SIDT1: variants seen among roughly 807,000 people sequenced by gnomAD.
SIDT1 encodes SID1 transmembrane family member 1.
Under a neutral mutation model 107.5 loss-of-function variants are expected in SIDT1, and 101 were observed. The observed-to-expected ratio is 0.94, with a 90% confidence interval of 0.80 to 1.11. SIDT1 has a LOEUF of 1.11. Ranked by LOEUF, SIDT1 falls within the 50% of genes least tolerant of loss-of-function variation. The pLI, the probability that SIDT1 is intolerant of heterozygous loss-of-function variation, is 0.00. For synonymous variants in SIDT1, 395 were observed against 398.2 expected (o/e 0.99, Z 0.10); for missense variants, 1,076 against 1,058.2 (o/e 1.02, Z -0.23).
At chr3:113,540,966 C>T (rs193178283) in intron 1 of SIDT1, among the ~76,000 whole-genome samples, 1 of 152,166 alleles carries the variant, frequency 6.6e-6, no homozygotes, top group African/African-American at 2.4e-5. Context: ...CTAGTTAATA[C>T]CCTTAAAGAA....
chr3:113,556,915 G>A lies in SIDT1; in HGVS notation c.223-9505G>A, dbSNP rs969108311. 6.3e-5 allele frequency among the ~76,000 whole-genome samples: 9 copies of A among 142,358 alleles called. No individual in the cohort carries two copies. The Admixed American group carries it at 6.9e-4, about 11-fold the overall frequency. The allele number at this position is 142,358 out of a possible 152,430, so 93.4% of individuals were successfully genotyped here. On this transcript the variant is annotated intron_variant, in intron 1 of 24. Transcript: ENST00000264852. ...CCTCACCGCAATCTCCACCTCCTGG[G>A]TTCAAGCCATTCTCCTGTCTCAGCC...
chr3:113,580,656 G>T lies in SIDT1; in HGVS notation c.610G>T (p.Val204Leu). 1 of 1,613,576 alleles carries T rather than the reference G, an allele frequency of 6.2e-7. No homozygotes were observed. Among genetic ancestry groups the T allele is most frequent in the South Asian group, 1.1e-5 (1 of 91,072 alleles). The change falls in exon 5 of 25, where the codon GTG (valine) becomes TTG (leucine). Residue 204 changes from valine to leucine, a missense_variant. Physicochemically the swap from Val to Leu is conservative, Grantham distance 32 (BLOSUM62 1). Coordinates refer to ENST00000264852, the MANE Select transcript of SIDT1 (RefSeq NM_017699.3). Reference protein sequence around the residue: ...PKDVDSVIIKVVSEMAYPCSV... With the variant: ...PKDVDSVIIKLVSEMAYPCSV... ...AGACGTGGACTCAGTTATCATTAAA[G>T]TGGTGTCTGAAATGGCTTATCCATG...
chr3:113,535,633 A>C (rs1256620928), intron 1 of SIDT1, among the ~76,000 whole-genome samples: 5 of 152,328 alleles, frequency 3.3e-5, no homozygotes, highest in Non-Finnish European at 1.5e-5. Flanking sequence ...ATTTTTGTTA[A>C]AATATTACTA....
At chr3:113,585,835 A>C (rs529229043) in intron 9 of SIDT1, among the ~76,000 whole-genome samples, 3 of 152,196 alleles carry the variant, frequency 2.0e-5, no homozygotes, top group Non-Finnish European at 4.4e-5. Flanking sequence ...ATTTGACCAA[A>C]GAAATTTCCC....
chr3:113,622,618 G>A (rs911022328), intron 21 of SIDT1, among the ~76,000 whole-genome samples: 1 of 152,026 alleles, frequency 6.6e-6, no homozygotes, highest in African/African-American at 2.4e-5. Flanking sequence ...TAAAACCATG[G>A]ACAGCTAGCA....
At position 113,627,945 on chromosome 3, in the gene SIDT1, C is replaced by T. The variant is rs1170250482; in HGVS notation, c.*237C>T. The T allele has an allele frequency of 1.3e-5, 7 of 539,210 alleles. No individual in the cohort carries two copies. The highest frequency in any genetic ancestry group is 6.6e-5 in the South Asian group (3 of 45,254). 33.4% of individuals were successfully genotyped at this position (539,210 alleles called of 1,614,324 possible). A position where few individuals can be genotyped will look rare whatever the true frequency, so the allele number is the denominator to read the frequency against. On this transcript the variant is annotated 3_prime_UTR_variant, in exon 25 of 25. Coordinates refer to ENST00000264852, the MANE Select transcript of SIDT1 (RefSeq NM_017699.3). Reference sequence around the variant, plus strand: ...AACCTGAGGAGCTGAGAAACACTTGCTCCTTCCATCTGCAGCTTTGGGAGT... The same window carrying T: ...AACCTGAGGAGCTGAGAAACACTTGTTCCTTCCATCTGCAGCTTTGGGAGT...
intron 20 of SIDT1, among the ~76,000 whole-genome samples, chr3:113,618,577 C>T (rs1946257484): frequency 6.6e-6 from 1 of 152,202 alleles, no homozygotes; most frequent in Admixed American, 6.5e-5. Context: ...TCCTCGCCAG[C>T]ATTTGGTGTT....
intron 20 of SIDT1, 114 bp from the exon 21 acceptor site, chr3:113,619,566 A>C: frequency 2.2e-6 from 2 of 900,744 alleles, no homozygotes; most frequent in Non-Finnish European, 3.6e-6. Context: ...GAACCACAGA[A>C]AATTATTTTC....
chr3:113,572,957 T>C (rs1942586007), intron 3 of SIDT1, among the ~76,000 whole-genome samples: 1 of 152,012 alleles, frequency 6.6e-6, no homozygotes, highest in South Asian at 2.1e-4. Flanking sequence ...ATAATTACCT[T>C]TGGTATTTTG....
intron 1 of SIDT1, among the ~76,000 whole-genome samples, chr3:113,550,557 CT>C (rs1365871396): frequency 7.9e-5 from 12 of 152,146 alleles, no homozygotes; most frequent in Admixed American, 7.9e-4. Context: ...ATGAACTTAT[CT>C]TTGTCAATTC....
intron 1 of SIDT1, among the ~76,000 whole-genome samples, chr3:113,550,297 T>C (rs1464666318): frequency 6.6e-6 from 1 of 152,236 alleles, no homozygotes; most frequent in Non-Finnish European, 1.5e-5. Flanking sequence ...GTTTGAGGCT[T>C]TGCTAATGGC....
At chr3:113,584,909 G>A (rs773589366) in intron 8 of SIDT1, 140 bp downstream of exon 8, 4 of 687,988 alleles carry the variant, frequency 5.8e-6, no homozygotes, top group Admixed American at 3.2e-5. Context: ...AGAAAAGGGA[G>A]TCAGAGCATT....
rs145140756 is a variant in SIDT1, at chr3:113,588,109, C to A, written c.1001+2839C>A. Among the ~76,000 whole-genome samples, 540 of 152,284 alleles carry A rather than the reference C, an allele frequency of 3.5e-3. 2 individuals carry two copies. The highest frequency in any genetic ancestry group is 0.012 in the African/African-American group (503 of 41,562). On this transcript the variant is annotated intron_variant, in intron 9 of 24. Transcript: ENST00000264852. ...TTAACATACAAACAGACAAGTTAAG[C>A]TAATAGCTGGTTATCAATCGCTCTA...
At chr3:113,603,705 T>G (rs1945124420) in intron 12 of SIDT1, among the ~76,000 whole-genome samples, 2 of 152,186 alleles carry the variant, frequency 1.3e-5, no homozygotes. Context: ...CAGCCAATCC[T>G]TAATATTCCA....
intron 20 of SIDT1, among the ~76,000 whole-genome samples, chr3:113,617,850 A>G (rs1946210649): frequency 6.6e-6 from 1 of 152,156 alleles, no homozygotes; most frequent in African/African-American, 2.4e-5. Context: ...CCAACTCCCC[A>G]CATGCACAGC....
In SIDT1 at chr3:113,616,098, A is replaced by G; in HGVS notation, c.1967-2A>G. ...CTCACCATGCATTTGTATTATCAGCAGATTTGGGAATTTTCCGGCGGGCTG... is the reference window on the plus strand; with the variant it reads ...CTCACCATGCATTTGTATTATCAGCGGATTTGGGAATTTTCCGGCGGGCTG... On this transcript the variant is annotated splice_acceptor_variant, in intron 19 of 24. Coordinates refer to ENST00000264852, the MANE Select transcript of SIDT1 (RefSeq NM_017699.3). LOFTEE classifies it high-confidence loss of function. 3.1e-6 allele frequency: 5 copies of G among 1,611,692 alleles called. No individual in the cohort carries two copies. In the South Asian group the frequency reaches 5.5e-5, roughly 18 times the overall value.
intron 1 of SIDT1, among the ~76,000 whole-genome samples, chr3:113,555,451 A>G (rs1476257039): frequency 6.6e-6 from 1 of 152,226 alleles, no homozygotes; most frequent in African/African-American, 2.4e-5. Flanking sequence ...TTGATTGAAC[A>G]AAGTTCATCA....
intron 1 of SIDT1, among the ~76,000 whole-genome samples, chr3:113,553,737 A>C (rs1314220536): frequency 6.6e-6 from 1 of 152,100 alleles, no homozygotes; most frequent in Non-Finnish European, 1.5e-5. Flanking sequence ...AGCCAGAGGG[A>C]GGTCAGTGGG....
chr3:113,633,851 A>T (rs566167251), downstream of SIDT1, among the ~76,000 whole-genome samples: 1 of 152,198 alleles, frequency 6.6e-6, no homozygotes, highest in Non-Finnish European at 1.5e-5. Flanking sequence ...AAGCAAAAAG[A>T]AAGCAAGCCT....
Sources: allele counts gnomAD v4.1 joint callset (sites outside exome capture counted in the v4.1 genomes callset), GRCh38; gene constraint gnomAD v4.1.1; transcripts MANE v1.5; gene names NCBI Gene and HGNC (gene_info 2026-07-23, HGNC 2026-07-21).